LRFN2: variants seen among roughly 807,000 people sequenced by gnomAD.
LRFN2 encodes the protein leucine rich repeat and fibronectin type III domain containing 2.
In LRFN2, 18 loss-of-function variants were observed where a neutral mutation model predicts 37.3. That is an observed-to-expected ratio of 0.48 (90% CI 0.33 to 0.72). The LOEUF (loss-of-function observed/expected upper bound fraction) is 0.72, where lower values mean the gene tolerates loss of function less well. LRFN2 is among the 30% of genes least tolerant of loss of function. The probability of loss-of-function intolerance (pLI) is 0.02; values close to 1 mark genes in which losing one functional copy is unlikely to be tolerated. For synonymous variants in LRFN2, 556 were observed against 466.6 expected (o/e 1.19, Z -2.47); for missense variants, 1,006 against 1,060.7 (o/e 0.95, Z 0.72).
chr6:40,447,753 T>C (rs1764004744), intron 1 of LRFN2, among the ~76,000 whole-genome samples: 1 of 152,106 alleles, frequency 6.6e-6, no homozygotes, highest in South Asian at 2.1e-4. Context: ...GTGAGGCCCA[T>C]CAAGGTGTTT....
At chr6:40,417,984 T>C (rs1763135316) in intron 2 of LRFN2, among the ~76,000 whole-genome samples, 1 of 152,096 alleles carries the variant, frequency 6.6e-6, no homozygotes, top group South Asian at 2.1e-4. Flanking sequence ...GAATCTTCTT[T>C]CTTAATCACA....
At chr6:40,580,716 C>T (rs1266280793) in intron 1 of LRFN2, among the ~76,000 whole-genome samples, 1 of 152,154 alleles carries the variant, frequency 6.6e-6, no homozygotes, top group South Asian at 2.1e-4. Flanking sequence ...GAATGGCACC[C>T]GCCCATGTCT....
At chr6:40,454,364 T>C (rs1323912738) in intron 1 of LRFN2, among the ~76,000 whole-genome samples, 5 of 152,120 alleles carry the variant, frequency 3.3e-5, no homozygotes, top group Admixed American at 2.0e-4. Flanking sequence ...GATGGTGTCA[T>C]GGGTGGTAAA....
chr6:40,426,546 G>A (rs1045960372), intron 2 of LRFN2, among the ~76,000 whole-genome samples: 2 of 152,204 alleles, frequency 1.3e-5, no homozygotes, highest in Admixed American at 6.5e-5. Flanking sequence ...AAATCATTTC[G>A]GAGCCAGATG....
chr6:40,586,667 C>T (rs758946932), intron 1 of LRFN2, among the ~76,000 whole-genome samples: 13 of 152,188 alleles, frequency 8.5e-5, no homozygotes, highest in Non-Finnish European at 1.0e-4. Flanking sequence ...CCATCCGGCT[C>T]TCCAGTCTCA....
chr6:40,520,671 G>A (rs1385155720), intron 1 of LRFN2, among the ~76,000 whole-genome samples: 7 of 152,104 alleles, frequency 4.6e-5, no homozygotes, highest in African/African-American at 1.4e-4. Flanking sequence ...ACACAGTGGT[G>A]CCAGCAAGGA....
intron 1 of LRFN2, among the ~76,000 whole-genome samples, chr6:40,543,033 G>A (rs1277392929): frequency 6.6e-6 from 1 of 152,200 alleles, no homozygotes; most frequent in Non-Finnish European, 1.5e-5. Flanking sequence ...AAAATGGGTG[G>A]CAAACCATTA....
intron 1 of LRFN2, among the ~76,000 whole-genome samples, chr6:40,472,822 C>A (rs912895234): frequency 6.6e-6 from 1 of 152,146 alleles, no homozygotes; most frequent in Non-Finnish European, 1.5e-5. Flanking sequence ...CATGTCATTC[C>A]CTAAACTGCA....
At position 40,463,739 on chromosome 6, in the gene LRFN2, C is replaced by T. The variant is rs138716329; in HGVS notation, c.-18-30608G>A. Among the ~76,000 whole-genome samples the T allele has an allele frequency of 1.7e-3, 240 of 141,608 alleles. 3 individuals are homozygous for T. The highest frequency in any genetic ancestry group is 8.1e-3 in the Middle Eastern group (2 of 248). The allele number at this position is 141,608 out of a possible 152,430, so 92.9% of individuals were successfully genotyped here. On this transcript the variant is annotated intron_variant, in intron 1 of 2. Transcript: ENST00000338305. ...TCACCCAGGCTGGAGTGCAGTGGCA[C>T]GATCACGGCTCACTGCAGCCTCAAC...
intron 1 of LRFN2, among the ~76,000 whole-genome samples, chr6:40,503,938 G>A (rs1245997603): frequency 2.0e-5 from 3 of 151,894 alleles, no homozygotes; most frequent in Non-Finnish European, 2.9e-5. Flanking sequence ...CAGAAAGGCT[G>A]GAGGAGTTAT....
At chr6:40,471,825 A>C (rs1379589550) in intron 1 of LRFN2, among the ~76,000 whole-genome samples, 1 of 152,156 alleles carries the variant, frequency 6.6e-6, no homozygotes, top group Non-Finnish European at 1.5e-5. Context: ...CCACAACCAG[A>C]TATATAGTTC....
intron 1 of LRFN2, among the ~76,000 whole-genome samples, chr6:40,476,350 A>G (rs1403447788): frequency 6.6e-6 from 1 of 152,236 alleles, no homozygotes; most frequent in African/African-American, 2.4e-5. Context: ...AGCTGCCACT[A>G]GAAATTCTCT....
chr6:40,499,028 T>C (rs1241639350), intron 1 of LRFN2, among the ~76,000 whole-genome samples: 1 of 152,120 alleles, frequency 6.6e-6, no homozygotes, highest in Non-Finnish European at 1.5e-5. Flanking sequence ...ATACACACGA[T>C]TTCAAACACA....
chr6:40,572,054 C>T (rs1359406120), intron 1 of LRFN2, among the ~76,000 whole-genome samples: 2 of 152,236 alleles, frequency 1.3e-5, no homozygotes, highest in African/African-American at 4.8e-5. Flanking sequence ...GCTACCCCTC[C>T]TCCCGTTCTG....
At chr6:40,575,050 G>A (rs1767254005) in intron 1 of LRFN2, among the ~76,000 whole-genome samples, 1 of 152,174 alleles carries the variant, frequency 6.6e-6, no homozygotes, top group South Asian at 2.1e-4. Flanking sequence ...TAGGATGATG[G>A]AGGAAGTGAG....
chr6:40,440,740 T>C (rs1005913634), intron 1 of LRFN2, among the ~76,000 whole-genome samples: 1 of 152,190 alleles, frequency 6.6e-6, no homozygotes, highest in Non-Finnish European at 1.5e-5. Flanking sequence ...ACATTTTACA[T>C]AGTCTTCTAC....
intron 1 of LRFN2, among the ~76,000 whole-genome samples, chr6:40,486,926 G>C (rs1764972086): frequency 6.6e-6 from 1 of 152,158 alleles, no homozygotes; most frequent in Non-Finnish European, 1.5e-5. Context: ...AAGGGGAACT[G>C]ACATTTATGG....
chr6:40,566,343 G>A (rs1767090101), intron 1 of LRFN2, among the ~76,000 whole-genome samples: 1 of 152,152 alleles, frequency 6.6e-6, no homozygotes, highest in Admixed American at 6.6e-5. Flanking sequence ...TCAGGGATCT[G>A]GAACTAGAAA....
intron 1 of LRFN2, among the ~76,000 whole-genome samples, chr6:40,493,347 C>T (rs1203853045): frequency 1.3e-5 from 2 of 152,184 alleles, no homozygotes; most frequent in African/African-American, 2.4e-5. Context: ...GAGGAAATGG[C>T]ACTTGTCTAA....
Sources: gnomAD v4.1 joint callset for allele counts (sites outside exome capture counted in the v4.1 genomes callset) on GRCh38, gnomAD v4.1.1 for gene constraint, MANE v1.5 for transcripts, NCBI Gene and HGNC (gene_info 2026-07-23, HGNC 2026-07-21) for gene names.